Variants in PRTFDC1 observed in about 807,000 individuals in gnomAD.
PRTFDC1 encodes the protein phosphoribosyltransferase domain-containing protein 1.
PRTFDC1 carries 38 observed loss-of-function variants against 34.6 expected under a neutral mutation model. That is an observed-to-expected ratio of 1.10 (90% CI 0.85 to 1.44). The LOEUF is 1.44. PRTFDC1 is among the 40% of genes most tolerant of loss of function. PRTFDC1 has a pLI of 0.00. For synonymous variants in PRTFDC1, 93 were observed against 98.1 expected (o/e 0.95, Z 0.31); for missense variants, 270 against 283.0 (o/e 0.95, Z 0.33).
chr10:24,924,177 T>C (rs750629120), intron 3 of PRTFDC1, among the ~76,000 whole-genome samples: 5 of 152,234 alleles, frequency 3.3e-5, no homozygotes, highest in Non-Finnish European at 5.9e-5. Context: ...CTATGTTTGA[T>C]TGGTGTACCT....
intron 3 of PRTFDC1, among the ~76,000 whole-genome samples, chr10:24,882,854 A>C (rs910857924): frequency 4.0e-5 from 6 of 151,594 alleles, no homozygotes; most frequent in Non-Finnish European, 8.8e-5. Context: ...AAAAATCTAA[A>C]TGCAAAAGGC....
At chr10:24,902,138 A>G (rs1275236109) in intron 3 of PRTFDC1, among the ~76,000 whole-genome samples, 1 of 152,194 alleles carries the variant, frequency 6.6e-6, no homozygotes, top group African/African-American at 2.4e-5. Flanking sequence ...ATAGCAATCA[A>G]TGGATTACTC....
At chr10:24,942,524 T>C in intron 1 of PRTFDC1, 88 bp from the exon 2 acceptor site, 1 of 1,063,124 alleles carries the variant, frequency 9.4e-7, no homozygotes, top group Admixed American at 1.8e-5. Flanking sequence ...AGAGGAGAAT[T>C]CCCTCAACTT....
At chr10:24,856,190 G>A (rs1273002095) in intron 6 of PRTFDC1, among the ~76,000 whole-genome samples, 2 of 148,398 alleles carry the variant, frequency 1.3e-5, no homozygotes, top group Non-Finnish European at 3.0e-5. Flanking sequence ...GATCACTTGA[G>A]CCCAGAAGTT....
intron 3 of PRTFDC1, among the ~76,000 whole-genome samples, chr10:24,898,176 C>T (rs1158305878): frequency 2.7e-5 from 4 of 150,142 alleles, no homozygotes; most frequent in South Asian, 4.2e-4. Context: ...TGAGGCTGTG[C>T]GCAGTGGCTC....
chr10:24,925,297 C>T (rs1410001318), intron 3 of PRTFDC1, among the ~76,000 whole-genome samples: 4 of 152,034 alleles, frequency 2.6e-5, no homozygotes, highest in African/African-American at 7.2e-5. Flanking sequence ...GGGCGGGGAA[C>T]ATCACACATT....
chr10:24,927,182 T>A (rs776254099), intron 3 of PRTFDC1, among the ~76,000 whole-genome samples: 13 of 152,224 alleles, frequency 8.5e-5, no homozygotes, highest in Non-Finnish European at 1.8e-4. Flanking sequence ...ATTTGTTTCA[T>A]GCCAAGTTTC....
intron 3 of PRTFDC1, among the ~76,000 whole-genome samples, chr10:24,922,586 A>C (rs1848808090): frequency 6.6e-6 from 1 of 152,100 alleles, no homozygotes; most frequent in Non-Finnish European, 1.5e-5. Context: ...GTAAGATATG[A>C]TTTTGCCCCT....
chr10:24,852,273 T>C (rs1227987330), intron 7 of PRTFDC1, among the ~76,000 whole-genome samples: 2 of 152,044 alleles, frequency 1.3e-5, no homozygotes, highest in East Asian at 3.9e-4. Context: ...CTGCCTCAGT[T>C]TCCCGAGTAG....
chr10:24,851,070 T>A (rs539269961), intron 8 of PRTFDC1, among the ~76,000 whole-genome samples: 1 of 152,318 alleles, frequency 6.6e-6, no homozygotes, highest in East Asian at 1.9e-4. Context: ...GTGTATAGAA[T>A]ATTGGCTATT....
intron 6 of PRTFDC1, among the ~76,000 whole-genome samples, chr10:24,856,441 A>G (rs994088752): frequency 3.9e-5 from 6 of 152,036 alleles, no homozygotes; most frequent in Middle Eastern, 3.2e-3. Context: ...ACAAAAAATT[A>G]GCTGGGTGCA....
At chr10:24,849,943 A>T in intron 8 of PRTFDC1, 52 bp from the exon 9 acceptor site, 1 of 1,565,144 alleles carries the variant, frequency 6.4e-7, no homozygotes, top group African/African-American at 1.3e-5. Flanking sequence ...AATATGAGAC[A>T]CAGAAAAGGT....
chr10:24,918,570 C>A (rs1044179667), intron 3 of PRTFDC1, among the ~76,000 whole-genome samples: 1 of 151,990 alleles, frequency 6.6e-6, no homozygotes, highest in African/African-American at 2.4e-5. Context: ...TGCATACCAC[C>A]ATGCCTGGCT....
chr10:24,861,299 G>A (rs1425409611), intron 4 of PRTFDC1, among the ~76,000 whole-genome samples: 2 of 152,084 alleles, frequency 1.3e-5, no homozygotes, highest in African/African-American at 4.8e-5. Flanking sequence ...TCAGGAGTTC[G>A]AGAGCAGCCT....
At chr10:24,875,741 C>G (rs1043868301) in intron 3 of PRTFDC1, among the ~76,000 whole-genome samples, 2 of 151,174 alleles carry the variant, frequency 1.3e-5, no homozygotes, top group Non-Finnish European at 2.9e-5. Flanking sequence ...CTATATTTTT[C>G]TAATCTAACA....
chr10:24,897,499 C>G (rs1453141277), intron 3 of PRTFDC1, among the ~76,000 whole-genome samples: 2 of 151,996 alleles, frequency 1.3e-5, no homozygotes, highest in Admixed American at 6.6e-5. Flanking sequence ...TTGGCAAAAC[C>G]CTTTGATGGC....
chr10:24,857,924 A>T (rs1588572748), intron 5 of PRTFDC1, among the ~76,000 whole-genome samples: 1 of 152,224 alleles, frequency 6.6e-6, no homozygotes, highest in Non-Finnish European at 1.5e-5. Context: ...ACAAAAAAAC[A>T]TAGCTTTCCC....
intron 1 of PRTFDC1, among the ~76,000 whole-genome samples, chr10:24,943,830 G>A (rs922283627): frequency 2.0e-5 from 3 of 151,982 alleles, no homozygotes; most frequent in African/African-American, 7.3e-5. Context: ...GGGATTACAC[G>A]CATTAGCCAG....
intron 1 of PRTFDC1, among the ~76,000 whole-genome samples, chr10:24,943,228 G>A (rs1015224002): frequency 6.6e-6 from 1 of 152,036 alleles, no homozygotes; most frequent in African/African-American, 2.4e-5. Flanking sequence ...TGGGATCAGA[G>A]TAGACCCAAA....
Sources: allele counts gnomAD v4.1 joint callset (sites outside exome capture counted in the v4.1 genomes callset), GRCh38; gene constraint gnomAD v4.1.1; transcripts MANE v1.5; gene names NCBI Gene and HGNC (gene_info 2026-07-23, HGNC 2026-07-21).